Variants in CADM2 observed in about 807,000 individuals in gnomAD.
CADM2 encodes cell adhesion molecule 2.
Under a neutral mutation model 49.8 loss-of-function variants are expected in CADM2, and 12 were observed. That is an observed-to-expected ratio of 0.24 (90% CI 0.15 to 0.39). CADM2 has a LOEUF of 0.39. CADM2 is among the 10% of genes least tolerant of loss of function. CADM2 has a pLI of 1.00. For synonymous variants in CADM2, 214 were observed against 175.4 expected (o/e 1.22, Z -1.74); for missense variants, 378 against 492.3 (o/e 0.77, Z 2.20).
At chr3:85,292,128 G>A (rs1245937623) in intron 1 of CADM2, among the ~76,000 whole-genome samples, 2 of 147,466 alleles carry the variant, frequency 1.4e-5, no homozygotes, top group Admixed American at 1.3e-4. Context: ...AAAAAGGCAG[G>A]GGTTGCAATC....
chr3:86,030,933 G>C (rs1005473997), intron 8 of CADM2, among the ~76,000 whole-genome samples: 1 of 151,726 alleles, frequency 6.6e-6, no homozygotes, highest in South Asian at 2.1e-4. Flanking sequence ...ATTTTCTTCT[G>C]TGTGTGTTAG....
At position 86,069,576 on chromosome 3, in the gene CADM2, A is replaced by T. The variant is rs1739663002; in HGVS notation, c.*2793A>T. 6.6e-6 allele frequency: 1 copy of T among 152,002 alleles called. No individual in the cohort carries two copies. The highest frequency in any genetic ancestry group is 1.5e-5 in the Non-Finnish European group (1 of 67,896). 9.4% of individuals were successfully genotyped at this position (152,002 alleles called of 1,614,324 possible). Reference sequence around the variant, plus strand: ...ACAAGTCAGAAAATAATGACATAATATTTCTAAATGAGAATGATGTCAATT... The same window carrying T: ...ACAAGTCAGAAAATAATGACATAATTTTTCTAAATGAGAATGATGTCAATT... On this transcript the variant is annotated 3_prime_UTR_variant, in exon 10 of 10. Transcript: ENST00000383699.
At chr3:84,990,238 A>G (rs2032804844) in intron 1 of CADM2, among the ~76,000 whole-genome samples, 1 of 151,518 alleles carries the variant, frequency 6.6e-6, no homozygotes, top group African/African-American at 2.4e-5. Flanking sequence ...ACCTCTAAGA[A>G]CCATATCAGA....
In CADM2 at chr3:85,198,608, G is replaced by C. The variant is rs112938311; in HGVS notation, c.61+238940G>C. On this transcript the variant is annotated intron_variant, in intron 1 of 9. Coordinates refer to ENST00000383699, the MANE Select transcript of CADM2 (RefSeq NM_001167675.2). Reference sequence around the variant, plus strand: ...GTCACTTATCTTCAAAGGTGATATTGTAGTTTCAGTTTCTTCAAAAATAAT... The same window carrying C: ...GTCACTTATCTTCAAAGGTGATATTCTAGTTTCAGTTTCTTCAAAAATAAT... Among the ~76,000 whole-genome samples the C allele has an allele frequency of 2.1e-3, 318 of 151,820 alleles. 1 individual carries two copies. Among genetic ancestry groups the C allele is most frequent in the African/African-American group, 7.2e-3 (299 of 41,496 alleles).
At chr3:85,352,675 T>G (rs1427728574) in intron 1 of CADM2, among the ~76,000 whole-genome samples, 1 of 152,114 alleles carries the variant, frequency 6.6e-6, no homozygotes, top group Non-Finnish European at 1.5e-5. Flanking sequence ...TCAATTTTGC[T>G]TCCACAGTAT....
chr3:85,550,008 A>T (rs559365257), intron 1 of CADM2, among the ~76,000 whole-genome samples: 3 of 152,256 alleles, frequency 2.0e-5, no homozygotes, highest in Non-Finnish European at 4.4e-5. Flanking sequence ...TATGTCAGAT[A>T]TTGTACTATG....
chr3:85,165,156 A>G (rs1049832872), intron 1 of CADM2, among the ~76,000 whole-genome samples: 9 of 151,964 alleles, frequency 5.9e-5, no homozygotes, highest in Non-Finnish European at 1.2e-4. Flanking sequence ...CCAATTTCAT[A>G]AATTTATGGC....
At chr3:85,246,511 A>G (rs546197274) in intron 1 of CADM2, among the ~76,000 whole-genome samples, 3 of 152,266 alleles carry the variant, frequency 2.0e-5, no homozygotes, top group South Asian at 4.1e-4. Flanking sequence ...ATTGAATAAA[A>G]TTATTAATAC....
intron 1 of CADM2, among the ~76,000 whole-genome samples, chr3:84,968,641 A>C (rs2031189756): frequency 6.6e-6 from 1 of 152,074 alleles, no homozygotes; most frequent in African/African-American, 2.4e-5. Context: ...TAAATAACAG[A>C]TACTGCTCTA....
intron 1 of CADM2, among the ~76,000 whole-genome samples, chr3:85,288,441 A>G (rs1421020372): frequency 2.0e-5 from 3 of 152,130 alleles, no homozygotes; most frequent in Admixed American, 2.0e-4. Flanking sequence ...TTTTTTTAAT[A>G]CATATATTCT....
At chr3:85,616,451 G>A (rs1213288395) in intron 1 of CADM2, among the ~76,000 whole-genome samples, 1 of 151,974 alleles carries the variant, frequency 6.6e-6, no homozygotes, top group Non-Finnish European at 1.5e-5. Context: ...TAAATTGAAT[G>A]GTTATAATTA....
intron 7 of CADM2, among the ~76,000 whole-genome samples, chr3:85,953,771 A>T (rs1306366188): frequency 6.7e-6 from 1 of 150,154 alleles, no homozygotes; most frequent in Non-Finnish European, 1.5e-5. Flanking sequence ...ATAGATAATT[A>T]TTTGATAATT....
At position 85,572,135 on chromosome 3, in the gene CADM2, A is replaced by G. The variant is rs536511891; in HGVS notation, c.62-154387A>G. ...AACATGGCGAAACCCTGTCTCTACT[A>G]AAAATATAAAAATTAGCCGGGCATG... is the stretch of plus-strand genomic sequence containing the variant. On this transcript the variant is annotated intron_variant, in intron 1 of 9. Coordinates refer to ENST00000383699, the MANE Select transcript of CADM2 (RefSeq NM_001167675.2). Among the ~76,000 whole-genome samples, 133 of 152,170 alleles carry G rather than the reference A, an allele frequency of 8.7e-4. No individual in the cohort carries two copies. The Middle Eastern group carries it at 0.014, about 16-fold the overall frequency.
intron 1 of CADM2, among the ~76,000 whole-genome samples, chr3:85,455,797 T>G (rs2037964027): frequency 6.6e-6 from 1 of 152,048 alleles, no homozygotes; most frequent in Admixed American, 6.6e-5. Flanking sequence ...CTCAAACAAT[T>G]ATGTGATTGG....
rs554736959 is a variant in CADM2 at position 85,292,993 on chromosome 3, T to A, written c.61+333325T>A. Reference sequence around the variant, plus strand: ...AAAAAGCCCTTCAAAAAATTAATGATTCCAGGAGCTGGTTTTTTGAAAGGA... The same window carrying A: ...AAAAAGCCCTTCAAAAAATTAATGAATCCAGGAGCTGGTTTTTTGAAAGGA... On this transcript the variant is annotated intron_variant, in intron 1 of 9. Transcript: ENST00000383699. 5.0e-3 allele frequency among the ~76,000 whole-genome samples: 763 copies of A among 152,120 alleles called. 6 individuals carry two copies. The highest frequency in any genetic ancestry group is 0.017 in the African/African-American group (725 of 41,492).
At chr3:85,167,978 GCCTAAACAGTGAAAGGGA>G (rs959141224) in intron 1 of CADM2, among the ~76,000 whole-genome samples, 30 of 152,016 alleles carry the variant, frequency 2.0e-4, no homozygotes, top group African/African-American at 7.0e-4. Flanking sequence ...AGAGCTTCGG[GCCTAAACAGTGAAAGGGA>G]CTAAGCTCAA....
At chr3:86,065,827 T>C (rs1559835061) in intron 9 of CADM2, 97 bp downstream of exon 9, 2 of 1,185,522 alleles carry the variant, frequency 1.7e-6, no homozygotes, top group African/African-American at 1.6e-5. Context: ...TTTCTGTACA[T>C]GTGTAGAATA....
intron 1 of CADM2, among the ~76,000 whole-genome samples, chr3:85,179,274 A>T (rs1043547933): frequency 6.6e-6 from 1 of 151,988 alleles, no homozygotes; most frequent in African/African-American, 2.4e-5. Context: ...CCCTTTCTAG[A>T]TGGTGCTTCC....
At chr3:85,892,585 A>C (rs559549950) in intron 5 of CADM2, among the ~76,000 whole-genome samples, 1 of 152,244 alleles carries the variant, frequency 6.6e-6, no homozygotes, top group Admixed American at 6.5e-5. Context: ...CTTGCCTGCC[A>C]CCATGTAAGA....
Sources: gnomAD v4.1 joint callset for allele counts (sites outside exome capture counted in the v4.1 genomes callset) on GRCh38, gnomAD v4.1.1 for gene constraint, MANE v1.5 for transcripts, NCBI Gene and HGNC (gene_info 2026-07-23, HGNC 2026-07-21) for gene names.